Variants in NRXN1 observed in about 807,000 individuals in gnomAD.
The protein encoded by NRXN1 is neurexin-1.
Under a neutral mutation model 150.9 loss-of-function variants are expected in NRXN1, and 39 were observed. That is an observed-to-expected ratio of 0.26 (90% CI 0.20 to 0.34). The LOEUF (loss-of-function observed/expected upper bound fraction) is 0.34, where lower values mean the gene tolerates loss of function less well. Ranked by LOEUF, NRXN1 falls within the 10% of genes least tolerant of loss-of-function variation. NRXN1 has a pLI of 1.00. For synonymous variants in NRXN1, 924 were observed against 757.0 expected (o/e 1.22, Z -3.62); for missense variants, 1,815 against 1,949.9 (o/e 0.93, Z 1.30).
intron 21 of NRXN1, among the ~76,000 whole-genome samples, chr2:50,012,883 CT>C (rs1685944560): frequency 6.6e-6 from 1 of 152,036 alleles, no homozygotes; most frequent in South Asian, 2.1e-4. Context: ...ATGGATTGCA[CT>C]CCTGAAGTAT....
chr2:50,304,287 A>G (rs2074418737), intron 17 of NRXN1, among the ~76,000 whole-genome samples: 1 of 152,174 alleles, frequency 6.6e-6, no homozygotes, highest in African/African-American at 2.4e-5. Context: ...TACAATAGGA[A>G]TTGAGGACAA....
intron 5 of NRXN1, among the ~76,000 whole-genome samples, chr2:50,672,157 C>T (rs1013910824): frequency 6.6e-6 from 1 of 151,702 alleles, no homozygotes; most frequent in African/African-American, 2.4e-5. Flanking sequence ...TGACTATTTA[C>T]AGCATTTCAT....
At chr2:50,401,845 T>C (rs2103946553) in intron 17 of NRXN1, among the ~76,000 whole-genome samples, 1 of 152,302 alleles carries the variant, frequency 6.6e-6, no homozygotes, top group South Asian at 2.1e-4. Flanking sequence ...TTCAATATCT[T>C]GCTATATTCA....
intron 8 of NRXN1, among the ~76,000 whole-genome samples, chr2:50,591,912 C>G (rs1008506344): frequency 6.6e-6 from 1 of 152,190 alleles, no homozygotes; most frequent in African/African-American, 2.4e-5. Flanking sequence ...GTTTCTAAAA[C>G]CTTTTGTGTG....
rs549299647 is a variant in NRXN1, at chr2:49,966,536, A to G, written c.4129-22745T>C. 266 of 152,038 alleles carry G rather than the reference A, an allele frequency of 1.7e-3. 2 individuals carry two copies. The highest frequency in any genetic ancestry group is 6.3e-3 in the African/African-American group (261 of 41,488). 9.4% of individuals were successfully genotyped at this position (152,038 alleles called of 1,614,324 possible). A position where few individuals can be genotyped will look rare whatever the true frequency, so the allele number is the denominator to read the frequency against. ...GCATTTCTTTTTTTTTTTTAAGGAA[A>G]CACATTTATTCACACTCTAAAATCA... On this transcript the variant is annotated intron_variant, in intron 21 of 22. Coordinates refer to ENST00000401669, the MANE Select transcript of NRXN1 (RefSeq NM_001330078.2).
At chr2:50,320,387 TA>T (rs1306547581) in intron 17 of NRXN1, among the ~76,000 whole-genome samples, 1 of 140,202 alleles carries the variant, frequency 7.1e-6, no homozygotes, top group Non-Finnish European at 1.5e-5. Flanking sequence ...GATTAAGAAA[TA>T]AAAAATAAGC....
chr2:50,047,220 T>C (rs1452244025), intron 21 of NRXN1, among the ~76,000 whole-genome samples: 2 of 152,060 alleles, frequency 1.3e-5, no homozygotes. Flanking sequence ...GTGGGCAGCA[T>C]AGCCTTGGGT....
intron 17 of NRXN1, chr2:50,417,014 A>G (rs553730817): frequency 1.3e-5 from 2 of 152,308 alleles, no homozygotes; most frequent in South Asian, 4.1e-4. Flanking sequence ...ATCTTAATCA[A>G]AAAACAGTAA....
At chr2:50,992,054 A>G (rs1698615160) in intron 2 of NRXN1, among the ~76,000 whole-genome samples, 1 of 152,064 alleles carries the variant, frequency 6.6e-6, no homozygotes. Context: ...AAACTTTAGA[A>G]GCCACCCAGT....
chr2:50,571,645 T>G (rs146178364), intron 8 of NRXN1, among the ~76,000 whole-genome samples: 125 of 152,168 alleles, frequency 8.2e-4, no homozygotes, highest in African/African-American at 2.6e-3. Flanking sequence ...TGAAAAATTT[T>G]GGGGGACAAA....
intron 17 of NRXN1, among the ~76,000 whole-genome samples, chr2:50,255,321 G>A (rs906917211): frequency 1.3e-5 from 2 of 152,128 alleles, no homozygotes; most frequent in African/African-American, 4.8e-5. Flanking sequence ...GGTTCTCTAT[G>A]GAGAATTTTA....
intron 17 of NRXN1, among the ~76,000 whole-genome samples, chr2:50,461,925 T>C (rs2088267883): frequency 6.6e-6 from 1 of 151,790 alleles, no homozygotes; most frequent in Non-Finnish European, 1.5e-5. Flanking sequence ...GTGAGGAAAT[T>C]GGAAAGTGTA....
chr2:50,503,620 A>T (rs915928607), intron 13 of NRXN1, among the ~76,000 whole-genome samples: 2 of 152,192 alleles, frequency 1.3e-5, no homozygotes, highest in African/African-American at 2.4e-5. Flanking sequence ...CCTTGCTTAC[A>T]GCAGAATGCT....
At chr2:50,318,647 T>G (rs1040417546) in intron 17 of NRXN1, among the ~76,000 whole-genome samples, 1 of 151,972 alleles carries the variant, frequency 6.6e-6, no homozygotes, top group Admixed American at 6.6e-5. Context: ...CCAAACAAGT[T>G]TGACAGACAA....
chr2:50,602,633 C>A (rs1227747542), intron 8 of NRXN1, among the ~76,000 whole-genome samples: 4 of 152,070 alleles, frequency 2.6e-5, no homozygotes, highest in African/African-American at 9.7e-5. Flanking sequence ...CCCCTTTGCT[C>A]CCTTCTTCCC....
At chr2:50,119,721 T>G (rs181993481) in intron 18 of NRXN1, among the ~76,000 whole-genome samples, 8 of 152,310 alleles carry the variant, frequency 5.3e-5, no homozygotes, top group Non-Finnish European at 5.9e-5. Context: ...AAGATACGGA[T>G]GTATATAAAG....
intron 19 of NRXN1, among the ~76,000 whole-genome samples, chr2:50,086,172 A>G (rs1698750594): frequency 6.6e-6 from 1 of 152,210 alleles, no homozygotes; most frequent in Non-Finnish European, 1.5e-5. Context: ...AAATTAAACA[A>G]ATATTAAAAA....
intron 5 of NRXN1, among the ~76,000 whole-genome samples, chr2:50,847,701 G>A (rs1673873010): frequency 6.6e-6 from 1 of 152,182 alleles, no homozygotes; most frequent in Admixed American, 6.5e-5. Context: ...GCTGGACGGC[G>A]AGAGAACATC....
intron 17 of NRXN1, among the ~76,000 whole-genome samples, chr2:50,321,568 T>A (rs893689310): frequency 2.6e-5 from 4 of 151,500 alleles, no homozygotes; most frequent in Non-Finnish European, 4.4e-5. Context: ...AAAATGAACA[T>A]TTTTTTTTCC....
Sources: gnomAD v4.1 joint callset for allele counts (sites outside exome capture counted in the v4.1 genomes callset) on GRCh38, gnomAD v4.1.1 for gene constraint, MANE v1.5 for transcripts, NCBI Gene and HGNC (gene_info 2026-07-23, HGNC 2026-07-21) for gene names.